MSI2: variants seen among roughly 807,000 people sequenced by gnomAD.
MSI2 encodes the protein RNA-binding protein Musashi homolog 2.
In MSI2, 17 loss-of-function variants were observed where a neutral mutation model predicts 45.6. That is an observed-to-expected ratio of 0.37 (90% CI 0.26 to 0.56). The LOEUF (loss-of-function observed/expected upper bound fraction) is 0.56, where lower values mean the gene tolerates loss of function less well. Ranked by LOEUF, MSI2 falls within the 20% of genes least tolerant of loss-of-function variation. The pLI, the probability that MSI2 is intolerant of heterozygous loss-of-function variation, is 0.77. For missense variants in MSI2, 293 were observed against 444.2 expected (o/e 0.66, Z 3.06); for synonymous variants, 156 against 158.2 (o/e 0.99, Z 0.11).
chr17:57,535,658 C>T (rs371935028), intron 7 of MSI2, among the ~76,000 whole-genome samples: 14 of 152,340 alleles, frequency 9.2e-5, no homozygotes, highest in African/African-American at 3.4e-4. Flanking sequence ...CGAGCACCAT[C>T]AGTGGCAGGC....
At chr17:57,507,593 T>G (rs1170368918) in intron 6 of MSI2, among the ~76,000 whole-genome samples, 4 of 152,240 alleles carry the variant, frequency 2.6e-5, no homozygotes, top group Admixed American at 2.6e-4. Context: ...AATAGGACTA[T>G]AAAATAATGA....
intron 6 of MSI2, among the ~76,000 whole-genome samples, chr17:57,420,072 A>T (rs1442004683): frequency 1.3e-5 from 2 of 152,200 alleles, no homozygotes; most frequent in African/African-American, 4.8e-5. Flanking sequence ...TAAGGAGATC[A>T]CCAGTGCTCT....
intron 6 of MSI2, among the ~76,000 whole-genome samples, chr17:57,426,577 A>G (rs1313643674): frequency 6.6e-5 from 10 of 152,174 alleles, no homozygotes; most frequent in Admixed American, 2.6e-4. Flanking sequence ...TCTTACATAC[A>G]TTTTAATTTA....
chr17:57,480,246 A>T (rs1462235052), intron 6 of MSI2, among the ~76,000 whole-genome samples: 1 of 152,182 alleles, frequency 6.6e-6, no homozygotes, highest in Non-Finnish European at 1.5e-5. Context: ...TACACATGTG[A>T]GCCACCACGC....
chr17:57,645,688 C>T (rs542257700), intron 10 of MSI2, among the ~76,000 whole-genome samples: 16 of 152,088 alleles, frequency 1.1e-4, no homozygotes, highest in South Asian at 1.0e-3. Flanking sequence ...GTAGTCCTCC[C>T]GCCTCAGTCT....
chr17:57,359,328 T>C (rs1345361094), intron 5 of MSI2, among the ~76,000 whole-genome samples: 1 of 152,350 alleles, frequency 6.6e-6, no homozygotes, highest in South Asian at 2.1e-4. Context: ...TTTAATATTA[T>C]TGAATTCAGC....
At chr17:57,286,244 T>C (rs927052143) in intron 5 of MSI2, among the ~76,000 whole-genome samples, 2 of 152,150 alleles carry the variant, frequency 1.3e-5, no homozygotes, top group African/African-American at 4.8e-5. Context: ...TTTTTTTTTT[T>C]TCCTCAGACT....
intron 9 of MSI2, among the ~76,000 whole-genome samples, chr17:57,618,763 C>G (rs551934184): frequency 6.6e-6 from 1 of 151,960 alleles, no homozygotes; most frequent in Non-Finnish European, 1.5e-5. Flanking sequence ...AGGATGGTCT[C>G]GATCTCTTGA....
chr17:57,332,493 C>T (rs1914353753), intron 5 of MSI2, among the ~76,000 whole-genome samples: 1 of 152,192 alleles, frequency 6.6e-6, no homozygotes, highest in Non-Finnish European at 1.5e-5. Context: ...ATTTATAATA[C>T]ATCCTTTCCA....
At chr17:57,362,322 CT>C (rs143510492) in intron 5 of MSI2, among the ~76,000 whole-genome samples, 2,018 of 152,248 alleles carry the variant, frequency 0.013, 45 homozygotes, top group African/African-American at 0.046. Flanking sequence ...GAAATCTTGT[CT>C]TTGTTTATAT....
chr17:57,261,547 G>A (rs1429286971), intron 4 of MSI2, among the ~76,000 whole-genome samples: 2 of 151,852 alleles, frequency 1.3e-5, no homozygotes, highest in East Asian at 3.9e-4. Flanking sequence ...GATCTTTTTG[G>A]TTAATCCTGG....
At chr17:57,292,874 C>T (rs192956738) in intron 5 of MSI2, among the ~76,000 whole-genome samples, 1 of 152,302 alleles carries the variant, frequency 6.6e-6, no homozygotes, top group African/African-American at 2.4e-5. Flanking sequence ...GAGCCTCCCT[C>T]TCACAGGTAT....
At chr17:57,567,298 C>T (rs1363890960) in intron 7 of MSI2, among the ~76,000 whole-genome samples, 1 of 152,156 alleles carries the variant, frequency 6.6e-6, no homozygotes, top group South Asian at 2.1e-4. Flanking sequence ...CTAGAACGAC[C>T]CAATTACATT....
downstream of MSI2, among the ~76,000 whole-genome samples, chr17:57,685,108 G>A (rs1913840424): frequency 6.6e-6 from 1 of 152,150 alleles, no homozygotes; most frequent in Non-Finnish European, 1.5e-5. Context: ...CTGAGTAGGG[G>A]TCTGAATAGG....
In MSI2 at chr17:57,627,529, C is replaced by T; in HGVS notation, c.727+226C>T. 1.7e-6 allele frequency: 1 copy of T among 578,092 alleles called. No individual in the cohort carries two copies. The highest frequency in any genetic ancestry group is 3.1e-6 in the Non-Finnish European group (1 of 325,120). The allele number at this position is 578,092 out of a possible 1,614,324, so 35.8% of individuals were successfully genotyped here. A position where few individuals can be genotyped will look rare whatever the true frequency, so the allele number is the denominator to read the frequency against. ...GGTGCCGGGTATTTGAGAACGGCAG[C>T]TTTTAAAGGGAAAGCAGAACGGAGG... On this transcript the variant is annotated intron_variant, in intron 10 of 13. Coordinates refer to ENST00000284073, the MANE Select transcript of MSI2 (RefSeq NM_138962.4). The surrounding 1 kb of genome is among the most constrained non-coding windows in gnomAD (Gnocchi z 4.6).
chr17:57,458,241 C>T (rs181947109), intron 6 of MSI2, among the ~76,000 whole-genome samples: 279 of 151,976 alleles, frequency 1.8e-3, no homozygotes, highest in Middle Eastern at 6.8e-3. Flanking sequence ...GCTGGGACTA[C>T]GGGCGCCCAC....
At chr17:57,576,666 A>T (rs1403795728) in intron 7 of MSI2, among the ~76,000 whole-genome samples, 1 of 151,934 alleles carries the variant, frequency 6.6e-6, no homozygotes, top group Non-Finnish European at 1.5e-5. Flanking sequence ...AGGCACAAGA[A>T]TCGCTTGAAA....
chr17:57,620,735 G>C (rs1355595227), intron 9 of MSI2, among the ~76,000 whole-genome samples: 1 of 152,090 alleles, frequency 6.6e-6, no homozygotes, highest in African/African-American at 2.4e-5. Flanking sequence ...ATCAGCCCTG[G>C]GCCCTCCTGA....
intron 6 of MSI2, among the ~76,000 whole-genome samples, chr17:57,507,277 G>C (rs897695649): frequency 1.5e-5 from 2 of 137,020 alleles, no homozygotes; most frequent in East Asian, 2.2e-4. Context: ...GTGTGTGTGT[G>C]TGTCTCCCCC....
Sources: gnomAD v4.1 joint callset for allele counts (sites outside exome capture counted in the v4.1 genomes callset) on GRCh38, gnomAD v4.1.1 for gene constraint, Gnocchi (gnomAD v3.1) non-coding constraint, MANE v1.5 for transcripts, NCBI Gene and HGNC (gene_info 2026-07-23, HGNC 2026-07-21) for gene names.